Variants in NRXN3 observed in about 807,000 individuals in gnomAD.
The protein encoded by NRXN3 is neurexin III.
A neutral mutation model predicts 137.6 loss-of-function variants in NRXN3; 32 were observed. That is an observed-to-expected ratio of 0.23 (90% CI 0.18 to 0.31). The LOEUF (loss-of-function observed/expected upper bound fraction) is 0.31. Among genes scored for constraint, NRXN3 ranks in the 10% least tolerant of loss-of-function variants. The pLI, the probability that NRXN3 is intolerant of heterozygous loss-of-function variation, is 1.00. For synonymous variants in NRXN3, 798 were observed against 784.5 expected (o/e 1.02, Z -0.29); for missense variants, 1,574 against 2,062.5 (o/e 0.76, Z 4.59).
chr14:79,022,466 A>T (rs1004583970), intron 15 of NRXN3, among the ~76,000 whole-genome samples: 4 of 152,176 alleles, frequency 2.6e-5, no homozygotes. Context: ...AGGCTGGGGA[A>T]ATGGTCCACT....
chr14:78,582,470 G>A (rs2097011271), intron 4 of NRXN3, among the ~76,000 whole-genome samples: 1 of 152,176 alleles, frequency 6.6e-6, no homozygotes, highest in Non-Finnish European at 1.5e-5. Flanking sequence ...TTGCCATTGT[G>A]ATGGTATTAA....
chr14:79,744,795 T>A (rs2098974144), intron 19 of NRXN3, among the ~76,000 whole-genome samples: 1 of 152,078 alleles, frequency 6.6e-6, no homozygotes, highest in Admixed American at 6.6e-5. Flanking sequence ...TTAAGAATAA[T>A]GGATGTTGGA....
intron 19 of NRXN3, among the ~76,000 whole-genome samples, chr14:79,800,602 G>A (rs1431867857): frequency 6.6e-6 from 1 of 152,168 alleles, no homozygotes; most frequent in African/African-American, 2.4e-5. Context: ...CCACCAATTT[G>A]TTCTACTTAT....
intron 4 of NRXN3, among the ~76,000 whole-genome samples, chr14:78,531,105 C>T (rs2096455833): frequency 6.6e-6 from 1 of 152,042 alleles, no homozygotes; most frequent in Admixed American, 6.6e-5. Flanking sequence ...CTTTTTGCCC[C>T]TTTTATGGCC....
chr14:79,421,183 AG>A (rs1290731520), intron 15 of NRXN3, among the ~76,000 whole-genome samples: 2 of 152,182 alleles, frequency 1.3e-5, no homozygotes, highest in Non-Finnish European at 2.9e-5. Flanking sequence ...GGGTGTAAAA[AG>A]GGTATACTTC....
chr14:79,429,469 G>A (rs1476229251), intron 15 of NRXN3, among the ~76,000 whole-genome samples: 1 of 152,174 alleles, frequency 6.6e-6, no homozygotes, highest in Non-Finnish European at 1.5e-5. Flanking sequence ...TAAAATGTGA[G>A]TAACAAGAGT....
chr14:78,995,993 A>G (rs1257098127), intron 15 of NRXN3, among the ~76,000 whole-genome samples: 1 of 152,074 alleles, frequency 6.6e-6, no homozygotes, highest in African/African-American at 2.4e-5. Flanking sequence ...CCCGCTAACA[A>G]TAAATGTCAG....
intron 16 of NRXN3, among the ~76,000 whole-genome samples, chr14:79,594,406 CAG>C (rs1414467444): frequency 4.0e-5 from 6 of 151,640 alleles, no homozygotes; most frequent in Non-Finnish European, 8.8e-5. Flanking sequence ...TATTTGGGGA[CAG>C]AGAAAAAAAG....
intron 20 of NRXN3, among the ~76,000 whole-genome samples, chr14:79,813,621 C>T (rs2099242582): frequency 6.6e-6 from 1 of 152,088 alleles, no homozygotes. Flanking sequence ...CATATCCCTC[C>T]AGTATTTATC....
At position 78,753,547 on chromosome 14, in the gene NRXN3, T is replaced by G. The variant is rs1168044439; in HGVS notation, c.2044+38408T>G. Among the ~76,000 whole-genome samples, 21 of 152,140 alleles carry G rather than the reference T, an allele frequency of 1.4e-4. 1 individual carries two copies. Among genetic ancestry groups the G allele is most frequent in the Admixed American group, 1.4e-3 (21 of 15,280 alleles). ...AAAACTTCCTATTGCCCAGTAGCAT[T>G]TTTTTTATGCTCTCAGTGAATAATG... On this transcript the variant is annotated intron_variant, in intron 8 of 20. Transcript: ENST00000335750.
chr14:78,662,589 A>G (rs2097850310), intron 6 of NRXN3, among the ~76,000 whole-genome samples: 1 of 152,168 alleles, frequency 6.6e-6, no homozygotes, highest in Non-Finnish European at 1.5e-5. Flanking sequence ...GGATTCTGGA[A>G]TCATATGAGT....
intron 15 of NRXN3, among the ~76,000 whole-genome samples, chr14:79,060,010 T>A (rs2099672239): frequency 6.6e-6 from 1 of 152,174 alleles, no homozygotes; most frequent in African/African-American, 2.4e-5. Flanking sequence ...TTTTTTTGGG[T>A]GAACCCACAG....
intron 15 of NRXN3, among the ~76,000 whole-genome samples, chr14:79,269,046 A>G (rs1363688472): frequency 6.6e-6 from 1 of 151,226 alleles, no homozygotes. Flanking sequence ...TATTTTTCTT[A>G]TTTTATTTTA....
At chr14:79,437,440 A>G (rs1194248270) in intron 15 of NRXN3, among the ~76,000 whole-genome samples, 1 of 150,992 alleles carries the variant, frequency 6.6e-6, no homozygotes, top group Non-Finnish European at 1.5e-5. Flanking sequence ...GCTCCATCTG[A>G]GAACCCATTA....
chr14:79,632,491 C>G (rs1365211229), intron 16 of NRXN3: 1 of 151,480 alleles, frequency 6.6e-6, no homozygotes, highest in Non-Finnish European at 1.5e-5. Flanking sequence ...AACAAGAAGG[C>G]CAGAGTACCC....
intron 1 of NRXN3, among the ~76,000 whole-genome samples, chr14:78,229,040 G>C (rs2065042053): frequency 6.6e-6 from 1 of 152,200 alleles, no homozygotes; most frequent in Non-Finnish European, 1.5e-5. Context: ...GCAAATGACA[G>C]CTCCTCTGTG....
intron 15 of NRXN3, among the ~76,000 whole-genome samples, chr14:78,997,307 T>C (rs1203968179): frequency 1.3e-5 from 2 of 152,218 alleles, no homozygotes; most frequent in Admixed American, 6.5e-5. Flanking sequence ...ATTTCCACCA[T>C]CTTCCACATG....
chr14:79,366,868 A>G (rs557485137), intron 15 of NRXN3, among the ~76,000 whole-genome samples: 4 of 152,300 alleles, frequency 2.6e-5, no homozygotes, highest in Non-Finnish European at 5.9e-5. Flanking sequence ...CTTTTCTAGT[A>G]GCAATATTAA....
At chr14:78,603,376 G>A (rs1429183504) in intron 4 of NRXN3, among the ~76,000 whole-genome samples, 1 of 152,200 alleles carries the variant, frequency 6.6e-6, no homozygotes, top group Non-Finnish European at 1.5e-5. Flanking sequence ...GCTGCCTGCA[G>A]CAGCTGTGGG....
Sources: allele counts gnomAD v4.1 joint callset (sites outside exome capture counted in the v4.1 genomes callset), GRCh38; gene constraint gnomAD v4.1.1; transcripts MANE v1.5; gene names NCBI Gene and HGNC (gene_info 2026-07-23, HGNC 2026-07-21).